The following SLC41A2 variants were observed in gnomAD, a reference collection of about 807,000 sequenced individuals.
SLC41A2 encodes the protein SLC41A1-like 1.
In SLC41A2, 32 loss-of-function variants were observed where a neutral mutation model predicts 58.3. That is an observed-to-expected ratio of 0.55 (90% confidence interval 0.41 to 0.74). SLC41A2 has a LOEUF of 0.74. Ranked by LOEUF, SLC41A2 falls within the 30% of genes least tolerant of loss-of-function variation. The pLI, the probability that SLC41A2 is intolerant of heterozygous loss-of-function variation, is 0.00. For missense variants in SLC41A2, 514 were observed against 680.6 expected (o/e 0.76, Z 2.72); for synonymous variants, 190 against 235.0 (o/e 0.81, Z 1.75).
intron 10 of SLC41A2, among the ~76,000 whole-genome samples, chr12:104,806,260 C>G (rs1265378619): frequency 1.3e-5 from 2 of 151,688 alleles, no homozygotes; most frequent in Non-Finnish European, 2.9e-5. Flanking sequence ...TTCCCCTTCC[C>G]GTGTCCATGT....
At chr12:104,926,054 A>G (rs1305073936) in intron 2 of SLC41A2, among the ~76,000 whole-genome samples, 2 of 152,238 alleles carry the variant, frequency 1.3e-5, no homozygotes, top group East Asian at 3.9e-4. Flanking sequence ...ATTTATGTAT[A>G]TTTTCCATTT....
At chr12:104,951,322 A>G (rs957272086) in intron 1 of SLC41A2, among the ~76,000 whole-genome samples, 1 of 152,214 alleles carries the variant, frequency 6.6e-6, no homozygotes, top group Admixed American at 6.5e-5. Flanking sequence ...GAATATAAAA[A>G]GATAAAATTC....
rs117169281 is a variant in SLC41A2, at chr12:104,957,655, C to T, written c.-168+433G>A. On this transcript the variant is annotated intron_variant, in intron 1 of 10. Coordinates refer to ENST00000258538, the MANE Select transcript of SLC41A2 (RefSeq NM_001352171.3). ...TTTGGGCTTTTAAATTTGAGATATG[C>T]TCCGTGTATATAAAGAGAAGAATGA... Among the ~76,000 whole-genome samples, 34 of 152,312 alleles carry T rather than the reference C, an allele frequency of 2.2e-4. No individual in the cohort carries two copies. The East Asian group carries it at 5.6e-3, about 25-fold the overall frequency.
chr12:104,934,052 C>G (rs192752832), intron 1 of SLC41A2, among the ~76,000 whole-genome samples: 73 of 150,736 alleles, frequency 4.8e-4, no homozygotes, highest in Non-Finnish European at 8.5e-4. Flanking sequence ...ACTACTTGTA[C>G]TCATAAAGCT....
chr12:104,831,032 T>C (rs1470842000), intron 10 of SLC41A2, among the ~76,000 whole-genome samples: 2 of 152,190 alleles, frequency 1.3e-5, no homozygotes, highest in African/African-American at 4.8e-5. Context: ...ATGTATATAG[T>C]ATAATAGTAC....
intron 7 of SLC41A2, among the ~76,000 whole-genome samples, chr12:104,865,111 T>C (rs960488795): frequency 2.6e-5 from 4 of 152,216 alleles, no homozygotes; most frequent in African/African-American, 9.6e-5. Context: ...TCACAAGGGT[T>C]AGTATCTGCA....
At chr12:104,913,853 C>T (rs2046194768) in intron 2 of SLC41A2, among the ~76,000 whole-genome samples, 1 of 152,202 alleles carries the variant, frequency 6.6e-6, no homozygotes, top group Non-Finnish European at 1.5e-5. Context: ...AGATGGATCA[C>T]TTGAGGTCAG....
intron 2 of SLC41A2, among the ~76,000 whole-genome samples, chr12:104,910,711 T>C (rs2046047417): frequency 6.6e-6 from 1 of 152,122 alleles, no homozygotes. Context: ...AAATAGACTC[T>C]TTGTAGCAAT....
intron 10 of SLC41A2, among the ~76,000 whole-genome samples, chr12:104,823,079 A>G (rs1384877298): frequency 1.3e-5 from 2 of 152,190 alleles, no homozygotes; most frequent in African/African-American, 4.8e-5. Flanking sequence ...ATGAGAAGTG[A>G]CAAGTGTGAA....
chr12:104,814,326 A>G (rs1276737640), intron 10 of SLC41A2, among the ~76,000 whole-genome samples: 3 of 152,138 alleles, frequency 2.0e-5, no homozygotes, highest in Non-Finnish European at 2.9e-5. Flanking sequence ...CAGAGCTTGC[A>G]GTGAGCTGAG....
chr12:104,854,212 GAAA>G (rs35704511), intron 8 of SLC41A2, among the ~76,000 whole-genome samples: 1 of 150,432 alleles, frequency 6.6e-6, no homozygotes, highest in Non-Finnish European at 1.5e-5. Context: ...GGTATATTTA[GAAA>G]AAAAAATTGA....
intron 1 of SLC41A2, among the ~76,000 whole-genome samples, chr12:104,930,768 AGAGAG>A (rs1364469766): frequency 6.6e-6 from 1 of 152,248 alleles, no homozygotes; most frequent in Non-Finnish European, 1.5e-5. Context: ...GTAGAAAAAT[AGAGAG>A]GAGAGAAAGA....
chr12:104,877,782 T>G (rs1220216436), intron 6 of SLC41A2, among the ~76,000 whole-genome samples: 1 of 152,138 alleles, frequency 6.6e-6, no homozygotes, highest in Non-Finnish European at 1.5e-5. Flanking sequence ...GCAGATTCCC[T>G]GAGCTCAGGA....
chr12:104,829,946 T>C (rs2041983787), intron 10 of SLC41A2, among the ~76,000 whole-genome samples: 1 of 152,220 alleles, frequency 6.6e-6, no homozygotes, highest in Non-Finnish European at 1.5e-5. Flanking sequence ...TTTTGCACTA[T>C]TATGGCAGAG....
At chr12:104,808,778 T>G (rs960520076) in intron 10 of SLC41A2, among the ~76,000 whole-genome samples, 1 of 152,250 alleles carries the variant, frequency 6.6e-6, no homozygotes, top group African/African-American at 2.4e-5. Flanking sequence ...ATTCAACTTC[T>G]TCCTGGTTTA....
rs149158577 is a variant in SLC41A2 at position 104,877,398 on chromosome 12, T to C, written c.1027+8895A>G. Reference sequence around the variant, plus strand: ...TGGGATTGATCTGTAACACAAAAAATATATTTTTAGGAGAATCAATGATAC... The same window carrying C: ...TGGGATTGATCTGTAACACAAAAAACATATTTTTAGGAGAATCAATGATAC... On this transcript the variant is annotated intron_variant, in intron 6 of 10. Coordinates refer to ENST00000258538, the MANE Select transcript of SLC41A2 (RefSeq NM_001352171.3). Among the ~76,000 whole-genome samples the C allele has an allele frequency of 8.6e-3, 1,305 of 152,288 alleles. 20 individuals are homozygous for C. Among genetic ancestry groups the C allele is most frequent in the African/African-American group, 0.029 (1,202 of 41,552 alleles).
At chr12:104,915,023 G>A (rs968238207) in intron 2 of SLC41A2, among the ~76,000 whole-genome samples, 10 of 152,280 alleles carry the variant, frequency 6.6e-5, no homozygotes, top group Non-Finnish European at 1.0e-4. Flanking sequence ...TGAACCTGCC[G>A]TAAAGTATGA....
chr12:104,836,625 C>A (rs2042219144), intron 10 of SLC41A2, among the ~76,000 whole-genome samples: 1 of 152,094 alleles, frequency 6.6e-6, no homozygotes, highest in Non-Finnish European at 1.5e-5. Flanking sequence ...AGGTAAAGTA[C>A]AGAGACAGTA....
chr12:104,903,393 C>T, intron 3 of SLC41A2, among the ~76,000 whole-genome samples: 1 of 152,224 alleles, frequency 6.6e-6, no homozygotes, highest in Non-Finnish European at 1.5e-5. Flanking sequence ...TGTCCCCCCT[C>T]ACTCACTCGG....
Sources: allele counts gnomAD v4.1 joint callset (sites outside exome capture counted in the v4.1 genomes callset), GRCh38; gene constraint gnomAD v4.1.1; transcripts MANE v1.5; gene names NCBI Gene and HGNC (gene_info 2026-07-23, HGNC 2026-07-21).